ESYT3: variants seen among roughly 807,000 people sequenced by gnomAD.
The protein encoded by ESYT3 is extended synaptotagmin 3.
A neutral mutation model predicts 111.5 loss-of-function variants in ESYT3; 101 were observed. The observed-to-expected ratio is 0.91, with a 90% confidence interval of 0.77 to 1.07. The LOEUF (loss-of-function observed/expected upper bound fraction) is 1.07, where lower values mean the gene tolerates loss of function less well. Ranked by LOEUF, ESYT3 falls within the 50% of genes least tolerant of loss-of-function variation. The probability of loss-of-function intolerance (pLI) is 0.00; values close to 1 mark genes in which losing one functional copy is unlikely to be tolerated. For synonymous variants in ESYT3, 416 were observed against 446.8 expected (o/e 0.93, Z 0.87); for missense variants, 1,097 against 1,109.4 (o/e 0.99, Z 0.16).
intron 1 of ESYT3, 131 bp from the exon 2 acceptor site, chr3:138,451,917 G>A: frequency 9.9e-7 from 1 of 1,005,396 alleles, no homozygotes. Context: ...TGTGACCGAC[G>A]TGGAGGCGGC....
Position 138,470,892 on chromosome 3 carries a change from C to A in ESYT3, c.1606C>A (p.Gln536Lys), listed in dbSNP as rs1230070568. The A allele has an allele frequency of 1.9e-6, 3 of 1,614,006 alleles. No homozygotes were observed. In the African/African-American group the frequency reaches 4.0e-5, roughly 22 times the overall value. ...CACTGCCCAGGTGCTTGATGATGAC[C>A]AGGAGTGTGCTCTGGGAATGCTGGA... ...RLHLKVLDDD[Q>K]ECALGMLEVP... The change falls in exon 17 of 23, where the codon CAG becomes AAG. Residue 536 changes from glutamine to lysine, a missense_variant. Gln to Lys is a moderately conservative substitution (Grantham distance 53). Transcript: ENST00000389567.
At chr3:138,449,039 T>C (rs1484835003) in intron 1 of ESYT3, among the ~76,000 whole-genome samples, 1 of 152,000 alleles carries the variant, frequency 6.6e-6, no homozygotes, top group Non-Finnish European at 1.5e-5. Flanking sequence ...AGCTTAATCA[T>C]TGTGGGCCTT....
At chr3:138,437,944 T>A (rs1030075732) in intron 1 of ESYT3, among the ~76,000 whole-genome samples, 1 of 152,168 alleles carries the variant, frequency 6.6e-6, no homozygotes, top group African/African-American at 2.4e-5. Flanking sequence ...TACAAACAGA[T>A]GCAGGTGTGG....
In ESYT3 at chr3:138,464,526, C is replaced by A. The variant is rs1433428943; in HGVS notation, c.1086+11C>A. The stretch of plus-strand genomic sequence containing the variant: ...AACGAAGTGTTTGAGGTAAGGGTCT[C>A]CTTGGCTGCTTCTAGCCTTCACTCT... On this transcript the variant is annotated intron_variant, in intron 9 of 22. Coordinates refer to ENST00000389567, the MANE Select transcript of ESYT3 (RefSeq NM_031913.5). 1 of 1,613,674 alleles carries A rather than the reference C, an allele frequency of 6.2e-7. No individual in the cohort carries two copies. Among genetic ancestry groups the A allele is most frequent in the East Asian group, 2.2e-5 (1 of 44,840 alleles).
At chr3:138,470,528 T>A (rs2033165347) in intron 16 of ESYT3, 1 of 1,137,536 alleles carries the variant, frequency 8.8e-7, no homozygotes, top group African/African-American at 1.6e-5. Flanking sequence ...AACAATGTCT[T>A]GTCCAAGATC....
chr3:138,437,925 T>G (rs1338501105), intron 1 of ESYT3, among the ~76,000 whole-genome samples: 1 of 152,142 alleles, frequency 6.6e-6, no homozygotes. Context: ...TGAACACCTG[T>G]GAAGTGCATA....
At chr3:138,457,932 C>T (rs937347903) in intron 4 of ESYT3, among the ~76,000 whole-genome samples, 17 of 152,124 alleles carry the variant, frequency 1.1e-4, no homozygotes, top group Non-Finnish European at 2.2e-4. Flanking sequence ...ATGTGAAGTC[C>T]ATTGGTGAGG....
chr3:138,457,225 T>A (rs2108611159), intron 3 of ESYT3, among the ~76,000 whole-genome samples: 1 of 152,364 alleles, frequency 6.6e-6, no homozygotes, highest in Non-Finnish European at 1.5e-5. Context: ...AGCTCCACCC[T>A]GTGCTGTGGG....
At chr3:138,442,100 A>T (rs956728982) in intron 1 of ESYT3, among the ~76,000 whole-genome samples, 2 of 149,816 alleles carry the variant, frequency 1.3e-5, no homozygotes, top group Admixed American at 1.3e-4. Flanking sequence ...ATAACTGGTT[A>T]TAAAATGTCT....
At position 138,465,434 on chromosome 3, in the gene ESYT3, G is replaced by A. The variant is rs2032880006; in HGVS notation, c.1169+13G>A. On this transcript the variant is annotated intron_variant, in intron 10 of 22. Transcript: ENST00000389567. ...ACTTCCTGGGCAGGTGAGGAGGAGG[G>A]CGCACAGCTGGGCCTGGAGGCAGCC... is the stretch of plus-strand genomic sequence containing the variant. 1 of 1,578,704 alleles carries A rather than the reference G, an allele frequency of 6.3e-7. No individual in the cohort carries two copies. The highest frequency in any genetic ancestry group is 8.6e-7 in the Non-Finnish European group (1 of 1,162,222).
chr3:138,475,078 TC>T (rs1349179300), intron 20 of ESYT3, among the ~76,000 whole-genome samples: 1 of 152,140 alleles, frequency 6.6e-6, no homozygotes, highest in Non-Finnish European at 1.5e-5. Flanking sequence ...ACTATTATGT[TC>T]CTTCAAGAGC....
At chr3:138,458,528 G>A (rs2032430126) in intron 4 of ESYT3, among the ~76,000 whole-genome samples, 1 of 152,256 alleles carries the variant, frequency 6.6e-6, no homozygotes, top group Non-Finnish European at 1.5e-5. Context: ...GGGCTCCTCT[G>A]CCTGTGCCCT....
chr3:138,462,342 G>A (rs1015295874), intron 8 of ESYT3, 136 bp downstream of exon 8: 9 of 1,234,950 alleles, frequency 7.3e-6, no homozygotes, highest in Non-Finnish European at 9.1e-6. Flanking sequence ...AAACACCATC[G>A]CCCACGTCAT....
rs141918462 is a variant in ESYT3, at chr3:138,476,412, G to A, written c.2575-31G>A. 1.2e-4 allele frequency: 193 copies of A among 1,611,434 alleles called. 1 individual carries two copies. In the African/African-American group the frequency reaches 1.3e-3, roughly 11 times the overall value. Reference sequence around the variant, plus strand: ...ATTTCTTTCCTTAATGCAGTGTTTTGGAGGGGAACTAATTATTTGTGATTA... The same window carrying A: ...ATTTCTTTCCTTAATGCAGTGTTTTAGAGGGGAACTAATTATTTGTGATTA... On this transcript the variant is annotated intron_variant, in intron 21 of 22. Coordinates refer to ENST00000389567, the MANE Select transcript of ESYT3 (RefSeq NM_031913.5).
intron 8 of ESYT3, 37 bp downstream of exon 8, chr3:138,462,243 G>C: frequency 6.2e-7 from 1 of 1,613,712 alleles, no homozygotes; most frequent in East Asian, 2.2e-5. Flanking sequence ...CAGCCTGCTG[G>C]GAGGCAGCGC....
intron 1 of ESYT3, among the ~76,000 whole-genome samples, chr3:138,443,583 A>G (rs969294609): frequency 1.3e-5 from 2 of 152,122 alleles, no homozygotes; most frequent in Non-Finnish European, 2.9e-5. Flanking sequence ...GCAGGGGTGT[A>G]TTGTCTGTAA....
At chr3:138,480,779 G>A (rs937064740), downstream of ESYT3, 8 of 152,300 alleles carry the variant, frequency 5.3e-5, no homozygotes, top group African/African-American at 1.9e-4. Context: ...TGTGTAACTT[G>A]ATAAGCAGAT....
At chr3:138,454,950 C>T (rs2032179517) in intron 2 of ESYT3, among the ~76,000 whole-genome samples, 2 of 152,146 alleles carry the variant, frequency 1.3e-5, no homozygotes, top group African/African-American at 4.8e-5. Context: ...CGGAATAGCA[C>T]CAAATCTTGG....
rs921121070 is a variant in ESYT3 at position 138,440,106 on chromosome 3, C to T, written c.327+4981C>T. Among the ~76,000 whole-genome samples the T allele has an allele frequency of 3.3e-5, 5 of 152,178 alleles. No homozygotes were observed. Among genetic ancestry groups the T allele is most frequent in the African/African-American group, 1.2e-4 (5 of 41,434 alleles). On this transcript the variant is annotated intron_variant, in intron 1 of 22. Coordinates refer to ENST00000389567, the MANE Select transcript of ESYT3 (RefSeq NM_031913.5). The surrounding 1 kb of genome is among the most constrained non-coding windows in gnomAD (Gnocchi z 4.2). ...TCTGCCATCATTAACCAGTCCCGAG[C>T]CTGCTTTTCTCTGGTGACACATACC...
Sources: gnomAD v4.1 joint callset for allele counts (sites outside exome capture counted in the v4.1 genomes callset) on GRCh38, gnomAD v4.1.1 for gene constraint, Gnocchi (gnomAD v3.1) non-coding constraint, MANE v1.5 for transcripts, NCBI Gene and HGNC (gene_info 2026-07-23, HGNC 2026-07-21) for gene names.